Variants in TBC1D15 observed in about 807,000 individuals in gnomAD.
TBC1D15 encodes the protein TBC1 domain family member 15.
A neutral mutation model predicts 95.4 loss-of-function variants in TBC1D15; 39 were observed. The observed-to-expected ratio is 0.41, with a 90% CI of 0.32 to 0.53. The LOEUF (loss-of-function observed/expected upper bound fraction) is 0.53, where lower values mean the gene tolerates loss of function less well. Among genes scored for constraint, TBC1D15 ranks in the 20% least tolerant of loss-of-function variants. The probability of loss-of-function intolerance (pLI) is 0.29; values close to 1 mark genes in which losing one functional copy is unlikely to be tolerated. For synonymous variants in TBC1D15, 258 were observed against 261.3 expected (o/e 0.99, Z 0.12); for missense variants, 733 against 794.3 (o/e 0.92, Z 0.93).
intron 1 of TBC1D15, among the ~76,000 whole-genome samples, chr12:71,846,399 A>G (rs1886273409): frequency 6.6e-6 from 1 of 152,128 alleles, no homozygotes; most frequent in Non-Finnish European, 1.5e-5. Context: ...TTCCTTCTTT[A>G]CCTTTTCAAT....
In TBC1D15 at chr12:71,905,747, TGTA is replaced by T. The variant is rs533547324; in HGVS notation, c.1184-1271_1184-1269del. Among the ~76,000 whole-genome samples, 14 of 152,322 alleles carry T rather than the reference TGTA, an allele frequency of 9.2e-5. No individual in the cohort carries two copies. In the East Asian group the frequency reaches 1.9e-3, roughly 21 times the overall value. On this transcript the variant is annotated intron_variant, in intron 10 of 16. Transcript: ENST00000485960. ...ATTTGCTTGCTTTTTAAAAATCAAA[TGTA>T]GTACATTTTAACAGAAAGCTAAAAT... is the stretch of plus-strand genomic sequence containing the variant.
intron 1 of TBC1D15, chr12:71,854,960 T>C (rs1888690219): frequency 2.4e-6 from 1 of 419,544 alleles, no homozygotes; most frequent in African/African-American, 2.1e-5. Context: ...ACATTTTGTG[T>C]ATTAGTCCGT....
intron 1 of TBC1D15, among the ~76,000 whole-genome samples, chr12:71,840,107 C>G (rs945663348): frequency 2.0e-5 from 3 of 152,182 alleles, no homozygotes; most frequent in African/African-American, 7.2e-5. Flanking sequence ...TCTCTAGTTC[C>G]TTTTTTCCCC....
chr12:71,840,154 A>G (rs328763), intron 1 of TBC1D15, among the ~76,000 whole-genome samples: 4,181 of 151,422 alleles, frequency 0.028, 192 homozygotes, highest in African/African-American at 0.095. Flanking sequence ...CTTTATGTCT[A>G]CTCTTCTGAC....
chr12:71,897,628 A>G (rs1050241164), intron 9 of TBC1D15, among the ~76,000 whole-genome samples: 6 of 152,040 alleles, frequency 3.9e-5, no homozygotes, highest in African/African-American at 9.6e-5. Flanking sequence ...TAGTTGAACA[A>G]AGTTTATCAC....
Position 71,885,765 on chromosome 12 carries a change from TC to T in TBC1D15, c.554+746del, listed in dbSNP as rs567393614. Among the ~76,000 whole-genome samples, 137 of 152,260 alleles carry T rather than the reference TC, an allele frequency of 9.0e-4. 1 individual carries two copies. The highest frequency in any genetic ancestry group is 1.6e-3 in the Admixed American group (25 of 15,290). On this transcript the variant is annotated intron_variant, in intron 5 of 16. Coordinates refer to ENST00000485960, the MANE Select transcript of TBC1D15 (RefSeq NM_001146213.3). ...CTGGGAGTAGGGATCAAGGAAGACT[TC>T]CTGGAGGAAGAAGCATCTAAGTAGA...
rs748405475 is a variant in TBC1D15 at position 71,896,636 on chromosome 12, TTCTTTTTCA to T, written c.985-39_985-31del. The T allele has an allele frequency of 2.3e-5, 36 of 1,535,134 alleles. No homozygotes were observed. The African/African-American group carries it at 4.6e-4, about 19-fold the overall frequency. ...AGTTTTGTGAACTTACAGTATTACA[TTCTTTTTCA>T]TTCATGTATTTAATATGTATGCTTT... On this transcript the variant is annotated intron_variant, in intron 8 of 16. Transcript: ENST00000485960.
chr12:71,852,527 C>G (rs1565945916), intron 1 of TBC1D15, among the ~76,000 whole-genome samples: 1 of 152,146 alleles, frequency 6.6e-6, no homozygotes, highest in South Asian at 2.1e-4. Context: ...CTTTTATGTC[C>G]TGCTTACCTT....
chr12:71,885,449 C>T (rs563954545), intron 5 of TBC1D15, among the ~76,000 whole-genome samples: 1 of 152,304 alleles, frequency 6.6e-6, no homozygotes, highest in African/African-American at 2.4e-5. Context: ...GGCCTTACCA[C>T]TTTCCAAAAA....
chr12:71,863,489 G>T (rs1890830416), intron 1 of TBC1D15, among the ~76,000 whole-genome samples: 1 of 152,146 alleles, frequency 6.6e-6, no homozygotes, highest in African/African-American at 2.4e-5. Flanking sequence ...TTGACAGTTG[G>T]ACTATAATGT....
intron 1 of TBC1D15, among the ~76,000 whole-genome samples, chr12:71,855,829 CT>C (rs1235595066): frequency 2.6e-5 from 4 of 151,164 alleles, no homozygotes; most frequent in Non-Finnish European, 5.9e-5. Flanking sequence ...GCTATTGTGT[CT>C]TTTTTAAAAA....
At chr12:71,916,063 TATC>T (rs1275435096) in intron 12 of TBC1D15, among the ~76,000 whole-genome samples, 3 of 152,180 alleles carry the variant, frequency 2.0e-5, no homozygotes, top group Non-Finnish European at 4.4e-5. Flanking sequence ...CTTTGTCTAT[TATC>T]ATGGAAATAC....
rs1897176595 is a variant in TBC1D15, at chr12:71,891,358, T to C, written c.555-1864T>C. 2.0e-5 allele frequency among the ~76,000 whole-genome samples: 3 copies of C among 152,170 alleles called. No homozygotes were observed. In the South Asian group the frequency reaches 6.2e-4, roughly 31 times the overall value. On this transcript the variant is annotated intron_variant, in intron 5 of 16. Coordinates refer to ENST00000485960, the MANE Select transcript of TBC1D15 (RefSeq NM_001146213.3). ...CTTCAAATTGTTTAGCAGGCTGTAA[T>C]AGAATTGCTGGGTTAGCATCATTAA... is the stretch of plus-strand genomic sequence containing the variant.
In TBC1D15 at chr12:71,884,913, A is replaced by G. The variant is rs1363141973; in HGVS notation, c.446A>G (p.Tyr149Cys). 3.1e-6 allele frequency: 5 copies of G among 1,614,058 alleles called. No homozygotes were observed. The highest frequency in any genetic ancestry group is 1.3e-5 in the African/African-American group (1 of 75,050). ...AACAAAGAGGGTATGGGCTGGTCCT[A>G]TTTGGTATTCTGTCTAAAGGATGAC... is the stretch of plus-strand genomic sequence containing the variant. ...KQNKEGMGWS[Y>C]LVFCLKDDVV... Residue 149 changes from tyrosine (Y) to cysteine (C), a missense_variant, in exon 5 of 17, where the codon TAT (tyrosine) becomes TGT (cysteine). By Grantham distance (194) the Tyr-to-Cys change is radical. Coordinates refer to ENST00000485960, the MANE Select transcript of TBC1D15 (RefSeq NM_001146213.3).
At chr12:71,911,630 G>A (rs1471111092) in intron 11 of TBC1D15, among the ~76,000 whole-genome samples, 1 of 117,302 alleles carries the variant, frequency 8.5e-6, no homozygotes, top group African/African-American at 3.2e-5. Flanking sequence ...TTGTGGGGTG[G>A]GGGGAGGGGG....
chr12:71,839,793 G>GA lies in TBC1D15; in HGVS notation c.12_13insA (p.Gly5ArgfsTer10), dbSNP rs779925352. The GA allele has an allele frequency of 4.3e-6, 7 of 1,614,198 alleles. No homozygotes were observed. In the Admixed American group the frequency reaches 1.0e-4, roughly 23 times the overall value. On this transcript the variant is annotated frameshift_variant, in exon 1 of 17. Coordinates refer to ENST00000485960, the MANE Select transcript of TBC1D15 (RefSeq NM_001146213.3). LOFTEE classifies it high-confidence loss of function. Reference sequence around the variant, plus strand: ...CACGCGCAGGAAACATGGCGGCGGCGGGTGTTGTGAGCGGGAAGGTAGGTA... The same window carrying GA: ...CACGCGCAGGAAACATGGCGGCGGCGAGGTGTTGTGAGCGGGAAGGTAGGTA...
intron 1 of TBC1D15, chr12:71,849,265 T>A: frequency 1.4e-6 from 1 of 730,802 alleles, no homozygotes; most frequent in South Asian, 1.6e-5. Context: ...GTGCATCAGG[T>A]CTGAGACTGT....
At chr12:71,893,954 A>T (rs1343631156) in intron 6 of TBC1D15, among the ~76,000 whole-genome samples, 1 of 150,354 alleles carries the variant, frequency 6.7e-6, no homozygotes, top group Admixed American at 6.6e-5. Flanking sequence ...TTAATAAGAT[A>T]TAGAGGGAAC....
In TBC1D15 at chr12:71,845,551, A is replaced by G. The variant is rs561768964; in HGVS notation, c.30+5740A>G. Among the ~76,000 whole-genome samples the G allele has an allele frequency of 1.1e-4, 17 of 152,344 alleles. No homozygotes were observed. The South Asian group carries it at 3.5e-3, about 32-fold the overall frequency. ...CATGAGATTAAGATGCCTTATTGAAATGGAGATACCAAGTAGGTGCTTAGA... is the reference window on the plus strand; with the variant it reads ...CATGAGATTAAGATGCCTTATTGAAGTGGAGATACCAAGTAGGTGCTTAGA... On this transcript the variant is annotated intron_variant, in intron 1 of 16. Coordinates refer to ENST00000485960, the MANE Select transcript of TBC1D15 (RefSeq NM_001146213.3).
Sources: gnomAD v4.1 joint callset for allele counts (sites outside exome capture counted in the v4.1 genomes callset) on GRCh38, gnomAD v4.1.1 for gene constraint, MANE v1.5 for transcripts, NCBI Gene and HGNC (gene_info 2026-07-23, HGNC 2026-07-21) for gene names.